Variants in FIRRM observed in about 807,000 individuals in gnomAD.
The protein encoded by FIRRM is FIGNL1 interacting regulator of recombination and mitosis.
At chr1:169,832,243 A>G in the FIRRM span, among the ~76,000 whole-genome samples, 166 of 152,360 alleles carry the variant, frequency 1.1e-3, no homozygotes, top group African/African-American at 3.9e-3. Context: ...GTTCAATCTC[A>G]TTCTAAATTT....
At chr1:169,801,230 G>A in the FIRRM span, among the ~76,000 whole-genome samples, 1 of 151,932 alleles carries the variant, frequency 6.6e-6, no homozygotes, top group African/African-American at 2.4e-5. Flanking sequence ...ATCATCTGAG[G>A]TCAGGAGTTC....
chr1:169,801,597 CAAAAAAAAA>C, the FIRRM span, among the ~76,000 whole-genome samples: 8 of 124,432 alleles, frequency 6.4e-5, no homozygotes, highest in Non-Finnish European at 1.4e-4. Flanking sequence ...ACCCTTAATT[CAAAAAAAAA>C]AAAAAAAAAA....
chr1:169,804,314 T>G, the FIRRM span: 71 of 1,059,324 alleles, frequency 6.7e-5, no homozygotes, highest in Non-Finnish European at 8.5e-5. Context: ...TCTCTAATGA[T>G]TCATGTTATT....
chr1:169,847,796 C>G, the FIRRM span: 2 of 1,576,484 alleles, frequency 1.3e-6, no homozygotes, highest in African/African-American at 1.4e-5. Flanking sequence ...ATACCTGAAG[C>G]TATCCAGGTA....
chr1:169,828,533 A>G, the FIRRM span, among the ~76,000 whole-genome samples: 1 of 151,344 alleles, frequency 6.6e-6, no homozygotes, highest in Non-Finnish European at 1.5e-5. Flanking sequence ...CGTACTTACA[A>G]TTTGAACAGT....
At chr1:169,784,017 C>T in the FIRRM span, 1 of 152,632 alleles carries the variant, frequency 6.6e-6, no homozygotes. Context: ...AACTCCTTGG[C>T]TAGAGAGATC....
chr1:169,829,310 G>C, the FIRRM span: 1 of 1,610,434 alleles, frequency 6.2e-7, no homozygotes, highest in Non-Finnish European at 8.5e-7. Context: ...CAGTGTTCTG[G>C]TGAACTCTCT....
the FIRRM span, among the ~76,000 whole-genome samples, chr1:169,801,240 C>G: frequency 6.6e-6 from 1 of 151,696 alleles, no homozygotes; most frequent in African/African-American, 2.4e-5. Context: ...GTCAGGAGTT[C>G]GAGACCACCC....
the FIRRM span, chr1:169,829,142 C>A: frequency 1.2e-6 from 1 of 815,652 alleles, no homozygotes; most frequent in Non-Finnish European, 1.8e-6. Context: ...GAAACTATTG[C>A]TGATTATACC....
the FIRRM span, chr1:169,802,776 C>T: frequency 9.0e-7 from 1 of 1,116,802 alleles, no homozygotes; most frequent in East Asian, 2.4e-5. Flanking sequence ...TAAAGAATGT[C>T]AAAATTTTTA....
chr1:169,794,564 C>T, the FIRRM span: 588 of 157,276 alleles, frequency 3.7e-3, 2 homozygotes, highest in African/African-American at 0.013. Flanking sequence ...GCGCTAGACA[C>T]TATACCATCT....
At chr1:169,804,282 A>G in the FIRRM span, 1 of 1,282,672 alleles carries the variant, frequency 7.8e-7, no homozygotes. Context: ...GGTGACTATA[A>G]ATCATGTATC....
At chr1:169,810,769 CA>C in the FIRRM span, among the ~76,000 whole-genome samples, 2 of 137,872 alleles carry the variant, frequency 1.5e-5, no homozygotes, top group Non-Finnish European at 3.1e-5. Context: ...AAATTGGTTT[CA>C]AAAAGAGAAT....
chr1:169,851,898 A>C, the FIRRM span: 3 of 1,614,066 alleles, frequency 1.9e-6, no homozygotes, highest in South Asian at 3.3e-5. Context: ...ACCCTTTGCT[A>C]ATGTGACTGT....
the FIRRM span, chr1:169,854,038 T>C: frequency 1.8e-6 from 1 of 566,468 alleles, no homozygotes; most frequent in South Asian, 2.7e-5. Context: ...ATCCCTTTTT[T>C]TTCTTTTTCA....
the FIRRM span, chr1:169,793,309 T>C: frequency 6.2e-7 from 1 of 1,613,990 alleles, no homozygotes; most frequent in Non-Finnish European, 8.5e-7. Context: ...TCACTACTGA[T>C]AACTTAACAT....
the FIRRM span, among the ~76,000 whole-genome samples, chr1:169,790,185 C>CTTTT: frequency 0.067 from 9,990 of 149,926 alleles, 423 homozygotes; most frequent in Non-Finnish European, 0.099. Context: ...TTTTTTTTTT[C>CTTTT]TCTTTTTTTG....
the FIRRM span, chr1:169,799,012 C>T: frequency 1.4e-6 from 1 of 693,144 alleles, no homozygotes; most frequent in Non-Finnish European, 2.4e-6. Flanking sequence ...GGTCCGAGTC[C>T]CCACATACCT....
At chr1:169,796,587 G>T in the FIRRM span, among the ~76,000 whole-genome samples, 1 of 152,130 alleles carries the variant, frequency 6.6e-6, no homozygotes, top group Non-Finnish European at 1.5e-5. Context: ...CATCCTCATT[G>T]CTACCACTCT....
Sources: allele counts gnomAD v4.1 joint callset (sites outside exome capture counted in the v4.1 genomes callset), GRCh38; gene constraint gnomAD v4.1.1; transcripts MANE v1.5; gene names NCBI Gene and HGNC (gene_info 2026-07-23, HGNC 2026-07-21).